Variants in CDC42BPA observed in about 807,000 individuals in gnomAD.
CDC42BPA encodes serine/threonine-protein kinase MRCK alpha.
Under a neutral mutation model 223.5 loss-of-function variants are expected in CDC42BPA, and 80 were observed. That is an observed-to-expected ratio of 0.36 (90% CI 0.30 to 0.43). The LOEUF is 0.43. CDC42BPA is among the 20% of genes least tolerant of loss of function. The pLI is 1.00. For synonymous variants in CDC42BPA, 694 were observed against 718.6 expected (o/e 0.97, Z 0.55); for missense variants, 1,743 against 2,099.9 (o/e 0.83, Z 3.32).
rs553611438 is a variant in CDC42BPA at position 227,175,728 on chromosome 1, C to T, written c.600-15092G>A. ...TGACTCCTGTATCCTTCAAACATGA[C>T]CCTAAAAGTCTTTGAAAGCTTATTT... On this transcript the variant is annotated intron_variant, in intron 5 of 36. Coordinates refer to ENST00000366766, the MANE Select transcript of CDC42BPA (RefSeq NM_001394014.1). Among the ~76,000 whole-genome samples, 3 of 152,214 alleles carry T rather than the reference C, an allele frequency of 2.0e-5. No homozygotes were observed. The South Asian group carries it at 6.2e-4, about 32-fold the overall frequency.
chr1:227,264,923 C>A (rs973238795), intron 1 of CDC42BPA: 7 of 1,258,916 alleles, frequency 5.6e-6, no homozygotes, highest in East Asian at 2.3e-5. Flanking sequence ...CTCAATACCC[C>A]ACTCGGTATA....
chr1:227,193,890 T>G lies in CDC42BPA; in HGVS notation c.495A>C (p.Leu165=), dbSNP rs779117595. ...GCAATCTATCTTCAAATTTGCTGAG[T>G]AGAGTAAGCAAATCCCCACCAACAT... ...DYYVGGDLLT[L]LSKFEDRLPE... is the part of the protein sequence containing the mutation. The change falls in exon 5 of 37, where the codon CTA becomes CTC. Residue 165 remains leucine (L), a synonymous_variant. Coordinates refer to ENST00000366766, the MANE Select transcript of CDC42BPA (RefSeq NM_001394014.1). 3.1e-6 allele frequency: 5 copies of G among 1,613,008 alleles called. No homozygotes were observed. The highest frequency in any genetic ancestry group is 4.2e-6 in the Non-Finnish European group (5 of 1,179,474).
At chr1:227,026,188 C>G in intron 30 of CDC42BPA, 36 bp from the exon 31 acceptor site, 1 of 1,143,962 alleles carries the variant, frequency 8.7e-7, no homozygotes, top group Non-Finnish European at 1.3e-6. Context: ...TTGCGGATTA[C>G]TTTTAACTAT....
intron 21 of CDC42BPA, among the ~76,000 whole-genome samples, chr1:227,058,637 A>G (rs1313402398): frequency 6.6e-6 from 1 of 152,162 alleles, no homozygotes; most frequent in Non-Finnish European, 1.5e-5. Context: ...GAAAAATTCC[A>G]TCTCTGGGCA....
At chr1:227,206,496 T>C (rs1672751114) in intron 3 of CDC42BPA, among the ~76,000 whole-genome samples, 1 of 152,152 alleles carries the variant, frequency 6.6e-6, no homozygotes, top group Non-Finnish European at 1.5e-5. Context: ...CATAAACCTC[T>C]GAAAAAATTG....
chr1:227,014,283 C>T (rs2148473341), intron 34 of CDC42BPA, among the ~76,000 whole-genome samples: 1 of 152,144 alleles, frequency 6.6e-6, no homozygotes, highest in African/African-American at 2.4e-5. Flanking sequence ...TCAAGATAAG[C>T]TGTAATCTAG....
At chr1:227,164,059 T>C (rs1477860227) in intron 5 of CDC42BPA, among the ~76,000 whole-genome samples, 1 of 151,876 alleles carries the variant, frequency 6.6e-6, no homozygotes, top group Non-Finnish European at 1.5e-5. Context: ...TATTACTCTA[T>C]TTTTTTTCAG....
chr1:227,267,383 T>C (rs1025907289), intron 1 of CDC42BPA, among the ~76,000 whole-genome samples: 1 of 152,150 alleles, frequency 6.6e-6, no homozygotes, highest in Admixed American at 6.6e-5. Context: ...GGGGAAGGAA[T>C]AGTATTACTA....
At chr1:227,048,294 A>G (rs1672864185) in intron 22 of CDC42BPA, among the ~76,000 whole-genome samples, 2 of 152,060 alleles carry the variant, frequency 1.3e-5, no homozygotes, top group Non-Finnish European at 2.9e-5. Context: ...AAATAAAAAA[A>G]GCCATAGCAT....
chr1:227,189,231 T>TCTTAAATAAATTTAAG (rs1250726624), intron 5 of CDC42BPA, among the ~76,000 whole-genome samples: 3 of 152,240 alleles, frequency 2.0e-5, no homozygotes, highest in African/African-American at 7.2e-5. Flanking sequence ...CCCCTGCATT[T>TCTTAAATAAATTTAAG]CTTAAATAAA....
In CDC42BPA at chr1:227,194,820, T is replaced by C. The variant is rs939792102; in HGVS notation, c.451-886A>G. On this transcript the variant is annotated intron_variant, in intron 4 of 36. Coordinates refer to ENST00000366766, the MANE Select transcript of CDC42BPA (RefSeq NM_001394014.1). ...CCTGTATTCAAATACTGACTCCATG[T>C]TGTAAGTGGATGTTGAAAAATTAAT... 2.0e-5 allele frequency among the ~76,000 whole-genome samples: 3 copies of C among 152,342 alleles called. 1 individual carries two copies. Among genetic ancestry groups the C allele is most frequent in the South Asian group, 4.1e-4 (2 of 4,834 alleles).
chr1:227,220,282 T>TTTTATATATATA (rs748787987), intron 2 of CDC42BPA, among the ~76,000 whole-genome samples: 1,824 of 99,750 alleles, frequency 0.018, 20 homozygotes, highest in Non-Finnish European at 0.021. Flanking sequence ...AAAAGTCATG[T>TTTTATATATATA]TATATATATA....
chr1:227,284,876 C>T (rs1231406075), intron 1 of CDC42BPA, among the ~76,000 whole-genome samples: 1 of 151,440 alleles, frequency 6.6e-6, no homozygotes, highest in East Asian at 1.9e-4. Context: ...GTGGGAAGAT[C>T]GCTTGATTCC....
At chr1:227,091,328 G>C (rs1413820643) in intron 16 of CDC42BPA, among the ~76,000 whole-genome samples, 2 of 152,156 alleles carry the variant, frequency 1.3e-5, no homozygotes, top group African/African-American at 4.8e-5. Context: ...GAGGTGACTG[G>C]ATCAGGAGGG....
At chr1:227,044,974 T>G (rs538167938) in intron 23 of CDC42BPA, among the ~76,000 whole-genome samples, 1 of 152,168 alleles carries the variant, frequency 6.6e-6, no homozygotes, top group African/African-American at 2.4e-5. Context: ...TACCACATGG[T>G]CAAACACACT....
intron 21 of CDC42BPA, among the ~76,000 whole-genome samples, chr1:227,067,340 T>TC (rs1170193573): frequency 2.0e-5 from 3 of 151,994 alleles, no homozygotes; most frequent in African/African-American, 7.3e-5. Flanking sequence ...TACATACTGC[T>TC]CTTAGGTTTT....
rs113859821 is a variant in CDC42BPA at position 227,317,808 on chromosome 1, G to A, written c.-626C>T. 1.4e-3 allele frequency: 562 copies of A among 398,742 alleles called. 2 individuals carry two copies. Among genetic ancestry groups the A allele is most frequent in the African/African-American group, 1.0e-2 (486 of 48,780 alleles). The allele number at this position is 398,742 out of a possible 1,614,324, so 24.7% of individuals were successfully genotyped here. The stretch of plus-strand genomic sequence containing the variant: ...CCCTGAAGCAGCCCCTCGGCTCGGA[G>A]CACGCCAAGTCTTGCCCGGAGGCGG... On this transcript the variant is annotated 5_prime_UTR_variant, in exon 1 of 37. Transcript: ENST00000366766.
At chr1:227,291,520 G>C (rs535274424) in intron 1 of CDC42BPA, among the ~76,000 whole-genome samples, 3 of 152,168 alleles carry the variant, frequency 2.0e-5, no homozygotes, top group South Asian at 4.2e-4. Context: ...CTGCATTCCA[G>C]CCTGGGTGAC....
chr1:227,100,716 T>G (rs977495617), intron 15 of CDC42BPA, among the ~76,000 whole-genome samples: 3 of 145,800 alleles, frequency 2.1e-5, no homozygotes, highest in Admixed American at 1.4e-4. Context: ...AGATTATAGG[T>G]GTGTGTGTGT....
Sources: allele counts gnomAD v4.1 joint callset (sites outside exome capture counted in the v4.1 genomes callset), GRCh38; gene constraint gnomAD v4.1.1; transcripts MANE v1.5; gene names NCBI Gene and HGNC (gene_info 2026-07-23, HGNC 2026-07-21).